CFH: variants seen among roughly 807,000 people sequenced by gnomAD.
CFH encodes H factor 1 (complement).
A neutral mutation model predicts 147.3 loss-of-function variants in CFH; 53 were observed. The ratio of observed to expected loss-of-function variants is 0.36; its 90% confidence interval spans 0.29 to 0.45. CFH has a LOEUF of 0.45. Among genes scored for constraint, CFH ranks in the 20% least tolerant of loss-of-function variants. CFH has a pLI of 1.00. For missense variants in CFH, 1,380 were observed against 1,498.0 expected (o/e 0.92, Z 1.30); for synonymous variants, 536 against 489.4 (o/e 1.10, Z -1.26).
At chr1:196,685,291 C>A in intron 7 of CFH, 54 bp downstream of exon 7, 2 of 1,571,420 alleles carry the variant, frequency 1.3e-6, no homozygotes, top group Non-Finnish European at 1.8e-6. Flanking sequence ...TTCTTTTAAA[C>A]ACATAAAAAA....
intron 9 of CFH, among the ~76,000 whole-genome samples, chr1:196,709,198 T>C (rs923160895): frequency 6.6e-6 from 1 of 152,150 alleles, no homozygotes; most frequent in Non-Finnish European, 1.5e-5. Context: ...GTCTGAATAG[T>C]TTTTTGAGCT....
chr1:196,742,228 T>C (rs572179467), intron 19 of CFH, among the ~76,000 whole-genome samples, 177 bp downstream of exon 19: 2 of 151,792 alleles, frequency 1.3e-5, no homozygotes, highest in East Asian at 3.9e-4. Flanking sequence ...TACAAAAAAA[T>C]AGTGGGGCAT....
At chr1:196,729,060 G>C (rs373871611) in intron 15 of CFH, among the ~76,000 whole-genome samples, 5 of 151,930 alleles carry the variant, frequency 3.3e-5, no homozygotes, top group Non-Finnish European at 7.4e-5. Flanking sequence ...AGTTTCACTT[G>C]AATAGTGTAG....
At chr1:196,658,926 A>G (rs1403998734) in intron 1 of CFH, among the ~76,000 whole-genome samples, 3 of 152,206 alleles carry the variant, frequency 2.0e-5, no homozygotes, top group Non-Finnish European at 4.4e-5. Context: ...TCACCAATGT[A>G]GTGTTTTGTA....
chr1:196,660,690 T>A (rs1212861776), intron 1 of CFH, among the ~76,000 whole-genome samples: 1 of 152,198 alleles, frequency 6.6e-6, no homozygotes, highest in Non-Finnish European at 1.5e-5. Flanking sequence ...TTTTAAGTAC[T>A]ATTTGAAGAG....
intron 20 of CFH, among the ~76,000 whole-genome samples, chr1:196,744,323 A>C (rs868242880): frequency 6.6e-6 from 1 of 152,002 alleles, no homozygotes; most frequent in Non-Finnish European, 1.5e-5. Context: ...TTACACTTAA[A>C]ATAATTATTG....
intron 15 of CFH, among the ~76,000 whole-genome samples, chr1:196,736,099 TG>T (rs1236070408): frequency 1.3e-5 from 2 of 152,100 alleles, no homozygotes; most frequent in Non-Finnish European, 2.9e-5. Context: ...ATATTTCTGA[TG>T]TATCGCAGTT....
At position 196,677,239 on chromosome 1, in the gene CFH, G is replaced by A. The variant is rs1301396416; in HGVS notation, c.428-237G>A. 9.2e-6 allele frequency: 4 copies of A among 433,898 alleles called. No individual in the cohort carries two copies. In the Admixed American group the frequency reaches 1.1e-4, roughly 12 times the overall value. 26.9% of individuals were successfully genotyped at this position (433,898 alleles called of 1,614,324 possible). ...TTTGTTACTACAAAAATACAAGCTA[G>A]CATTGAAAGTAGTAATTTTCATTGT... is the stretch of plus-strand genomic sequence containing the variant. On this transcript the variant is annotated intron_variant, in intron 4 of 21. Coordinates refer to ENST00000367429, the MANE Select transcript of CFH (RefSeq NM_000186.4).
intron 13 of CFH, 42 bp downstream of exon 13, chr1:196,726,694 T>C (rs746724441): frequency 4.4e-6 from 7 of 1,606,352 alleles, no homozygotes; most frequent in Middle Eastern, 1.7e-4. Context: ...TCAAAACTTT[T>C]GTATTTTGTA....
At position 196,689,318 on chromosome 1, in the gene CFH, T is replaced by C. The variant is rs927880573; in HGVS notation, c.965-102T>C. 14 of 1,107,050 alleles carry C rather than the reference T, an allele frequency of 1.3e-5. No homozygotes were observed. In the African/African-American group the frequency reaches 2.2e-4, roughly 17 times the overall value. The allele number at this position is 1,107,050 out of a possible 1,614,324, so 68.6% of individuals were successfully genotyped here. Reference sequence around the variant, plus strand: ...GAAACCCTAATGGAATGTGTAATTATACTAAGAAGAGAATATAATTCAGTG... The same window carrying C: ...GAAACCCTAATGGAATGTGTAATTACACTAAGAAGAGAATATAATTCAGTG... On this transcript the variant is annotated intron_variant, in intron 7 of 21. Transcript: ENST00000367429.
At chr1:196,733,633 G>A (rs1669332639) in intron 15 of CFH, among the ~76,000 whole-genome samples, 1 of 152,066 alleles carries the variant, frequency 6.6e-6, no homozygotes, top group Admixed American at 6.6e-5. Flanking sequence ...CAGTGGTCTA[G>A]ATAGACTCTG....
Position 196,725,177 on chromosome 1 carries a change from G to A in CFH, c.1753G>A (p.Asp585Asn). The change falls in exon 12 of 22, where the codon GAC becomes AAC. Residue 585 changes from aspartate (D) to asparagine (N), a missense_variant. Coordinates refer to ENST00000367429, the MANE Select transcript of CFH (RefSeq NM_000186.4). ...ACACTTAGTTCCTGATCGCAAGAAA[G>A]ACCAGTATAAAGTTGGAGAGGTGTT... ...DVHLVPDRKK[D>N]QYKVGEVLKF... The A allele has an allele frequency of 6.2e-7, 1 of 1,613,776 alleles. No homozygotes were observed. The highest frequency in any genetic ancestry group is 8.5e-7 in the Non-Finnish European group (1 of 1,179,836).
chr1:196,725,644 G>A (rs1669118311), intron 12 of CFH, among the ~76,000 whole-genome samples: 1 of 152,162 alleles, frequency 6.6e-6, no homozygotes, highest in African/African-American at 2.4e-5. Context: ...TCAAGATCGG[G>A]CATCTGCATT....
intron 1 of CFH, among the ~76,000 whole-genome samples, chr1:196,657,985 G>A (rs1666761765): frequency 1.3e-5 from 2 of 152,012 alleles, no homozygotes; most frequent in South Asian, 2.1e-4. Context: ...TTGAAAATAA[G>A]TAATTAGTTC....
chr1:196,702,485 T>G (rs1005157256), intron 9 of CFH, among the ~76,000 whole-genome samples: 1 of 150,634 alleles, frequency 6.6e-6, no homozygotes, highest in African/African-American at 2.5e-5. Flanking sequence ...TATGCCTATT[T>G]ATTGAGAAGA....
At chr1:196,668,800 C>G (rs1405750493) in intron 1 of CFH, among the ~76,000 whole-genome samples, 1 of 152,116 alleles carries the variant, frequency 6.6e-6, no homozygotes, top group African/African-American at 2.4e-5. Flanking sequence ...ATGAACTACC[C>G]AGTCTCAGGT....
At chr1:196,709,464 G>C (rs907908736) in intron 9 of CFH, among the ~76,000 whole-genome samples, 1 of 152,016 alleles carries the variant, frequency 6.6e-6, no homozygotes, top group Non-Finnish European at 1.5e-5. Flanking sequence ...AAGCTAGAAT[G>C]GCCATTGCCC....
At chr1:196,704,894 C>G (rs537046237) in intron 9 of CFH, among the ~76,000 whole-genome samples, 1 of 152,168 alleles carries the variant, frequency 6.6e-6, no homozygotes, top group East Asian at 1.9e-4. Context: ...ATGACTTTAA[C>G]CAGTGAGTTG....
intron 9 of CFH, among the ~76,000 whole-genome samples, chr1:196,709,246 C>T (rs1169391440): frequency 6.6e-6 from 1 of 152,082 alleles, no homozygotes; most frequent in Non-Finnish European, 1.5e-5. Flanking sequence ...GTCCATTTTT[C>T]AAGGACTCTT....
Sources: gnomAD v4.1 joint callset for allele counts (sites outside exome capture counted in the v4.1 genomes callset) on GRCh38, gnomAD v4.1.1 for gene constraint, MANE v1.5 for transcripts, NCBI Gene and HGNC (gene_info 2026-07-23, HGNC 2026-07-21) for gene names.